Variants in TMTC2 observed in about 807,000 individuals in gnomAD.
TMTC2 encodes the protein transmembrane O-mannosyltransferase targeting cadherins 2, also known as protein O-mannosyl-transferase TMTC2.
Under a neutral mutation model 82.4 loss-of-function variants are expected in TMTC2, and 43 were observed. That is an observed-to-expected ratio of 0.52 (90% CI 0.41 to 0.67). TMTC2 has a LOEUF of 0.67. Ranked by LOEUF, TMTC2 falls within the 30% of genes least tolerant of loss-of-function variation. TMTC2 has a pLI of 0.00. For missense variants in TMTC2, 919 were observed against 1,012.4 expected, an observed-to-expected ratio of 0.91 and a Z score of 1.25; for synonymous variants, 408 against 381.9, an observed-to-expected ratio of 1.07 and a Z score of -0.80.
At chr12:82,777,847 T>G (rs1489768233) in intron 1 of TMTC2, among the ~76,000 whole-genome samples, 1 of 152,094 alleles carries the variant, frequency 6.6e-6, no homozygotes, top group Non-Finnish European at 1.5e-5. Flanking sequence ...CATGCTTTGT[T>G]TCCATTGGTT....
chr12:83,018,675 T>TTTC (rs397965424), intron 8 of TMTC2, among the ~76,000 whole-genome samples: 1 of 149,802 alleles, frequency 6.7e-6, no homozygotes, highest in African/African-American at 2.5e-5. Flanking sequence ...TTTTTTTTTT[T>TTTC]CCCTTATGAG....
intron 9 of TMTC2, among the ~76,000 whole-genome samples, chr12:83,048,652 C>T (rs1592715922): frequency 6.6e-6 from 1 of 152,108 alleles, no homozygotes; most frequent in East Asian, 1.9e-4. Context: ...TACTTAAATG[C>T]AAGCAGTGGC....
intron 8 of TMTC2, 92 bp from the exon 9 acceptor site, chr12:83,030,706 C>A: frequency 4.1e-6 from 4 of 970,996 alleles, no homozygotes; most frequent in South Asian, 1.5e-5. Context: ...TGATGATTAC[C>A]AAGTAGACAT....
chr12:83,033,904 G>GTA (rs1224995660), intron 9 of TMTC2, among the ~76,000 whole-genome samples: 3 of 145,626 alleles, frequency 2.1e-5, no homozygotes, highest in Non-Finnish European at 3.0e-5. Context: ...ATATATATAT[G>GTA]TATATATATC....
intron 3 of TMTC2, among the ~76,000 whole-genome samples, chr12:82,920,050 C>T (rs932189133): frequency 1.3e-5 from 2 of 152,186 alleles, no homozygotes; most frequent in Non-Finnish European, 1.5e-5. Context: ...AGCAACAACC[C>T]TGCTCTAAGT....
At chr12:82,891,251 T>A (rs1873378735) in intron 2 of TMTC2, among the ~76,000 whole-genome samples, 1 of 152,224 alleles carries the variant, frequency 6.6e-6, no homozygotes, top group Non-Finnish European at 1.5e-5. Flanking sequence ...ACAGTTGAGA[T>A]GTTTTATTAA....
intron 3 of TMTC2, among the ~76,000 whole-genome samples, chr12:82,917,099 T>C (rs1349394729): frequency 6.6e-6 from 1 of 152,142 alleles, no homozygotes; most frequent in African/African-American, 2.4e-5. Flanking sequence ...TATCATACAA[T>C]TAGTAAAATG....
intron 1 of TMTC2, among the ~76,000 whole-genome samples, chr12:82,804,476 C>T (rs1017207601): frequency 1.3e-5 from 2 of 152,068 alleles, no homozygotes; most frequent in African/African-American, 4.8e-5. Context: ...GGTGTTACTT[C>T]TTCACTCCTG....
At chr12:82,786,800 G>A (rs549443036) in intron 1 of TMTC2, among the ~76,000 whole-genome samples, 10 of 152,142 alleles carry the variant, frequency 6.6e-5, no homozygotes, top group South Asian at 2.1e-4. Flanking sequence ...CTGTGAAGTC[G>A]GAACCACTCC....
rs112428406 is a variant in TMTC2, at chr12:82,798,337, C to T, written c.84-58673C>T. Among the ~76,000 whole-genome samples the T allele has an allele frequency of 6.4e-3, 959 of 150,116 alleles. 5 individuals carry two copies. The highest frequency in any genetic ancestry group is 0.031 in the Middle Eastern group (9 of 290). On this transcript the variant is annotated intron_variant, in intron 1 of 11. Transcript: ENST00000321196. ...CTGTAATCCCAGCACTTTGGGAGGC[C>T]GAGGCCGGTGGATGGCGGGCGTGGT...
At chr12:82,983,929 AATT>A (rs567830001) in intron 7 of TMTC2, among the ~76,000 whole-genome samples, 5 of 152,142 alleles carry the variant, frequency 3.3e-5, no homozygotes, top group African/African-American at 1.2e-4. Flanking sequence ...TCCTAGTACA[AATT>A]ATTATTTCCT....
intron 7 of TMTC2, among the ~76,000 whole-genome samples, chr12:82,976,877 G>T (rs1400537824): frequency 1.3e-5 from 2 of 151,970 alleles, no homozygotes; most frequent in African/African-American, 2.4e-5. Flanking sequence ...CTCTTCAAGG[G>T]CATACTTCGT....
chr12:82,725,913 A>G (rs1874425120), intron 1 of TMTC2, among the ~76,000 whole-genome samples: 1 of 152,184 alleles, frequency 6.6e-6, no homozygotes, highest in African/African-American at 2.4e-5. Flanking sequence ...CTGCCCTTAG[A>G]GGTGACAAAT....
At chr12:82,972,488 T>C (rs1878493553) in intron 7 of TMTC2, among the ~76,000 whole-genome samples, 1 of 152,180 alleles carries the variant, frequency 6.6e-6, no homozygotes, top group Non-Finnish European at 1.5e-5. Context: ...TGAGATATTT[T>C]CCCAAGTTTA....
At chr12:82,765,360 G>A (rs1469700479) in intron 1 of TMTC2, among the ~76,000 whole-genome samples, 1 of 152,100 alleles carries the variant, frequency 6.6e-6, no homozygotes. Context: ...CCCCCAAACA[G>A]ACTAATGACT....
chr12:82,693,227 C>G (rs1872650357), intron 1 of TMTC2, among the ~76,000 whole-genome samples: 1 of 152,128 alleles, frequency 6.6e-6, no homozygotes, highest in Non-Finnish European at 1.5e-5. Flanking sequence ...TGATTGTTAC[C>G]TTTTAATTAT....
chr12:83,111,111 G>A (rs546827417), intron 11 of TMTC2, among the ~76,000 whole-genome samples: 8 of 152,276 alleles, frequency 5.3e-5, no homozygotes, highest in African/African-American at 1.7e-4. Flanking sequence ...CTATAATACT[G>A]AAATTTACTC....
At position 82,920,277 on chromosome 12, in the gene TMTC2, G is replaced by A. The variant is rs1488658587; in HGVS notation, c.1484-10154G>A. Among the ~76,000 whole-genome samples, 3 of 152,036 alleles carry A rather than the reference G, an allele frequency of 2.0e-5. No individual in the cohort carries two copies. In the East Asian group the frequency reaches 5.8e-4, roughly 29 times the overall value. ...ATATCAGAGATATGAAATTGCAATAGTTACTTCAGAGTAAGTTTGAATTTA... is the reference window on the plus strand; with the variant it reads ...ATATCAGAGATATGAAATTGCAATAATTACTTCAGAGTAAGTTTGAATTTA... On this transcript the variant is annotated intron_variant, in intron 3 of 11. Transcript: ENST00000321196.
chr12:82,941,577 G>C (rs138587284), intron 4 of TMTC2, among the ~76,000 whole-genome samples: 66 of 152,192 alleles, frequency 4.3e-4, no homozygotes, highest in Non-Finnish European at 8.8e-4. Context: ...TTTCTAGCTT[G>C]CATTACTGGC....
Sources: gnomAD v4.1 joint callset for allele counts (sites outside exome capture counted in the v4.1 genomes callset) on GRCh38, gnomAD v4.1.1 for gene constraint, MANE v1.5 for transcripts, NCBI Gene and HGNC (gene_info 2026-07-23, HGNC 2026-07-21) for gene names.